Variants in PAX3 observed in about 807,000 individuals in gnomAD.
PAX3 encodes the protein paired box protein Pax-3.
A neutral mutation model predicts 51.6 loss-of-function variants in PAX3; 14 were observed. The ratio of observed to expected loss-of-function variants is 0.27; its 90% CI spans 0.18 to 0.42. The LOEUF (loss-of-function observed/expected upper bound fraction) is 0.42. Among genes scored for constraint, PAX3 ranks in the 10% least tolerant of loss-of-function variants. The pLI, the probability that PAX3 is intolerant of heterozygous loss-of-function variation, is 1.00. For synonymous variants in PAX3, 280 were observed against 253.4 expected, an observed-to-expected ratio of 1.11 and a Z score of -1.00; for missense variants, 540 against 642.8, an observed-to-expected ratio of 0.84 and a Z score of 1.73.
At chr2:222,244,104 C>CT (rs1388274323) in intron 4 of PAX3, among the ~76,000 whole-genome samples, 2 of 152,278 alleles carry the variant, frequency 1.3e-5, no homozygotes, top group South Asian at 4.1e-4. Flanking sequence ...ACCAATGGAC[C>CT]TAGGGGAGGA....
chr2:222,261,958 A>C (rs983518753), intron 4 of PAX3, among the ~76,000 whole-genome samples: 4 of 152,214 alleles, frequency 2.6e-5, no homozygotes, highest in African/African-American at 9.6e-5. Context: ...CCCAAAGTAG[A>C]ACTTTCCCAG....
chr2:222,246,575 A>T (rs995508940), intron 4 of PAX3, among the ~76,000 whole-genome samples: 16 of 152,124 alleles, frequency 1.1e-4, no homozygotes, highest in African/African-American at 3.9e-4. Flanking sequence ...TATATTATAC[A>T]GATGGATGGG....
At chr2:222,244,071 C>T (rs1046767983) in intron 4 of PAX3, among the ~76,000 whole-genome samples, 3 of 152,130 alleles carry the variant, frequency 2.0e-5, no homozygotes, top group South Asian at 2.1e-4. Context: ...ACAAGGTGGT[C>T]CTTCAGATTA....
At chr2:222,293,710 C>G in intron 4 of PAX3, 1 of 1,614,176 alleles carries the variant, frequency 6.2e-7, no homozygotes, top group Middle Eastern at 1.6e-4. Flanking sequence ...AGAGTACTCT[C>G]TCTCTCTCTC....
intron 5 of PAX3, among the ~76,000 whole-genome samples, chr2:222,227,784 T>C (rs1692441842): frequency 6.6e-6 from 1 of 151,934 alleles, no homozygotes; most frequent in Non-Finnish European, 1.5e-5. Context: ...GTCGTTAGTA[T>C]ACAACAGTTC....
In PAX3 at chr2:222,201,378, G is replaced by A. The variant is rs1691286148; in HGVS notation, c.*30C>T. ...CTAGGCTGCGAAGACCAGAAACAGG[G>A]CCAGTTTTAGCTCCAAGTGGACAGT... is the stretch of plus-strand genomic sequence containing the variant. On this transcript the variant is annotated 3_prime_UTR_variant, in exon 9 of 9. Coordinates refer to ENST00000392070, the MANE Select transcript of PAX3 (RefSeq NM_181458.4). 9 of 1,613,656 alleles carry A rather than the reference G, an allele frequency of 5.6e-6. No individual in the cohort carries two copies. Among genetic ancestry groups the A allele is most frequent in the Non-Finnish European group, 5.9e-6 (7 of 1,179,948 alleles).
At chr2:222,216,050 T>C (rs1477249159) in intron 7 of PAX3, among the ~76,000 whole-genome samples, 2 of 152,080 alleles carry the variant, frequency 1.3e-5, no homozygotes, top group Admixed American at 6.6e-5. Context: ...ATGCAGCCTT[T>C]GATAGAATGA....
At chr2:222,256,075 A>T (rs1220835785) in intron 4 of PAX3, among the ~76,000 whole-genome samples, 1 of 151,680 alleles carries the variant, frequency 6.6e-6, no homozygotes, top group Non-Finnish European at 1.5e-5. Context: ...AGCCCCGATT[A>T]TATTATTTAC....
intron 4 of PAX3, among the ~76,000 whole-genome samples, chr2:222,261,856 T>A (rs1334230063): frequency 3.9e-5 from 6 of 152,216 alleles, no homozygotes; most frequent in Non-Finnish European, 8.8e-5. Context: ...ATGTTTGCCT[T>A]CCTGTTCTCT....
chr2:222,280,235 G>A (rs551415672), intron 4 of PAX3, among the ~76,000 whole-genome samples: 1 of 146,166 alleles, frequency 6.8e-6, no homozygotes, highest in East Asian at 2.1e-4. Flanking sequence ...AAGAGAGAGA[G>A]GGAGAAAGAA....
intron 4 of PAX3, among the ~76,000 whole-genome samples, chr2:222,245,135 G>A (rs1045455663): frequency 2.0e-5 from 3 of 152,096 alleles, no homozygotes; most frequent in South Asian, 2.1e-4. Context: ...ACAACAGAAC[G>A]AGACTGTCTC....
chr2:222,211,100 C>T (rs1691708754), intron 7 of PAX3, among the ~76,000 whole-genome samples: 3 of 152,136 alleles, frequency 2.0e-5, no homozygotes, highest in African/African-American at 7.2e-5. Flanking sequence ...CTCCTAGACA[C>T]AAGCGATCCC....
At chr2:222,254,125 T>C (rs192001972) in intron 4 of PAX3, among the ~76,000 whole-genome samples, 1 of 151,950 alleles carries the variant, frequency 6.6e-6, no homozygotes, top group Admixed American at 6.5e-5. Flanking sequence ...TGACATCCAA[T>C]CTCCAGGAAA....
intron 2 of PAX3, among the ~76,000 whole-genome samples, chr2:222,296,609 G>A (rs1350062254): frequency 6.6e-6 from 1 of 152,160 alleles, no homozygotes; most frequent in African/African-American, 2.4e-5. Context: ...TGGAAAGGAC[G>A]GTGCCATGGG....
chr2:222,277,248 T>G (rs1185349119), intron 4 of PAX3, among the ~76,000 whole-genome samples: 1 of 152,176 alleles, frequency 6.6e-6, no homozygotes, highest in Admixed American at 6.5e-5. Context: ...TAGCTGTGGC[T>G]GGGGGTTGGG....
intron 5 of PAX3, among the ~76,000 whole-genome samples, chr2:222,223,878 C>A (rs1692289251): frequency 6.6e-6 from 1 of 152,188 alleles, no homozygotes; most frequent in Admixed American, 6.5e-5. Context: ...GTGCCACCTG[C>A]CTTCTGTAAC....
In PAX3 at chr2:222,227,587, G is replaced by A. The variant is rs190733693; in HGVS notation, c.792+4491C>T. On this transcript the variant is annotated intron_variant, in intron 5 of 8. Coordinates refer to ENST00000392070, the MANE Select transcript of PAX3 (RefSeq NM_181458.4). Reference sequence around the variant, plus strand: ...AGTGCACTCCAGCTCAGGCAACAGAGTGAGACCCTGTCTCAAAAAATAATT... The same window carrying A: ...AGTGCACTCCAGCTCAGGCAACAGAATGAGACCCTGTCTCAAAAAATAATT... Among the ~76,000 whole-genome samples, 483 of 152,184 alleles carry A rather than the reference G, an allele frequency of 3.2e-3. 3 individuals carry two copies. Among genetic ancestry groups the A allele is most frequent in the Non-Finnish European group, 5.3e-3 (363 of 68,012 alleles).
chr2:222,265,515 T>C lies in PAX3; in HGVS notation c.586+28652A>G, dbSNP rs181567671. Among the ~76,000 whole-genome samples, 243 of 151,698 alleles carry C rather than the reference T, an allele frequency of 1.6e-3. 1 individual carries two copies. The highest frequency in any genetic ancestry group is 5.8e-3 in the African/African-American group (240 of 41,326). On this transcript the variant is annotated intron_variant, in intron 4 of 8. Transcript: ENST00000392070. ...AAAAATACAAAAAAATAGCCGGGCG[T>C]GGTGGTGGGCGCCTGTAGTCCTAGC...
chr2:222,222,104 G>T (rs1048186924), intron 5 of PAX3, among the ~76,000 whole-genome samples: 1 of 152,032 alleles, frequency 6.6e-6, no homozygotes, highest in Non-Finnish European at 1.5e-5. Context: ...ATTCAGAAAA[G>T]CCTGATACAA....
Sources: allele counts gnomAD v4.1 joint callset (sites outside exome capture counted in the v4.1 genomes callset), GRCh38; gene constraint gnomAD v4.1.1; transcripts MANE v1.5; gene names NCBI Gene and HGNC (gene_info 2026-07-23, HGNC 2026-07-21).